NRXN1: variants seen among roughly 807,000 people sequenced by gnomAD.
The protein encoded by NRXN1 is neurexin 1.
NRXN1 carries 39 observed loss-of-function variants against 150.9 expected under a neutral mutation model. That is an observed-to-expected ratio of 0.26 (90% confidence interval 0.20 to 0.34). NRXN1 has a LOEUF of 0.34. NRXN1 is among the 10% of genes least tolerant of loss of function. The probability of loss-of-function intolerance (pLI) is 1.00; values close to 1 mark genes in which losing one functional copy is unlikely to be tolerated. For missense variants in NRXN1, 1,815 were observed against 1,949.9 expected, an observed-to-expected ratio of 0.93 and a Z score of 1.30; for synonymous variants, 924 against 757.0, an observed-to-expected ratio of 1.22 and a Z score of -3.62.
intron 15 of NRXN1, among the ~76,000 whole-genome samples, chr2:50,487,601 C>A (rs1362299269): frequency 6.6e-6 from 1 of 152,174 alleles, no homozygotes; most frequent in African/African-American, 2.4e-5. Context: ...GTTTTAAGCC[C>A]ACCCAACTTT....
At chr2:50,627,365 G>A (rs1247742643) in intron 5 of NRXN1, among the ~76,000 whole-genome samples, 1 of 99,888 alleles carries the variant, frequency 1.0e-5, no homozygotes, top group Non-Finnish European at 2.4e-5. Flanking sequence ...GTATGTGTGT[G>A]TGTGTGTGTG....
intron 17 of NRXN1, among the ~76,000 whole-genome samples, chr2:50,367,105 G>A (rs1191086504): frequency 6.6e-6 from 1 of 151,962 alleles, no homozygotes; most frequent in Non-Finnish European, 1.5e-5. Context: ...TTCTCCAGAT[G>A]CATTTTAGGA....
At chr2:50,230,012 T>C (rs1331318311) in intron 18 of NRXN1, among the ~76,000 whole-genome samples, 7 of 151,936 alleles carry the variant, frequency 4.6e-5, no homozygotes, top group African/African-American at 1.7e-4. Context: ...AAGCAGTGGG[T>C]CAAAAGGAGT....
At chr2:50,467,549 T>C (rs2089024768) in intron 16 of NRXN1, among the ~76,000 whole-genome samples, 1 of 151,508 alleles carries the variant, frequency 6.6e-6, no homozygotes, top group African/African-American at 2.4e-5. Flanking sequence ...ACATTTGTAT[T>C]ATAAATTTTT....
intron 18 of NRXN1, among the ~76,000 whole-genome samples, chr2:50,119,918 A>C (rs1488998784): frequency 6.6e-6 from 1 of 152,136 alleles, no homozygotes; most frequent in African/African-American, 2.4e-5. Context: ...AGTCTCTCTC[A>C]TGGGTTTGTT....
intron 21 of NRXN1, among the ~76,000 whole-genome samples, chr2:50,047,409 T>C: frequency 6.6e-6 from 1 of 152,042 alleles, no homozygotes; most frequent in East Asian, 1.9e-4. Context: ...AAATATTTAT[T>C]AGAAGCCAGA....
chr2:50,723,499 C>T (rs970321252), intron 5 of NRXN1, among the ~76,000 whole-genome samples: 1 of 152,122 alleles, frequency 6.6e-6, no homozygotes, highest in Admixed American at 6.5e-5. Context: ...TGTGGAAAGT[C>T]GGGATTATTA....
At chr2:50,289,206 G>C (rs1307062435) in intron 17 of NRXN1, among the ~76,000 whole-genome samples, 1 of 152,094 alleles carries the variant, frequency 6.6e-6, no homozygotes, top group East Asian at 1.9e-4. Flanking sequence ...TAAATCTGTA[G>C]AGCCCCAAGG....
chr2:50,406,738 C>G (rs1407926953), intron 17 of NRXN1, among the ~76,000 whole-genome samples: 1 of 152,118 alleles, frequency 6.6e-6, no homozygotes, highest in African/African-American at 2.4e-5. Context: ...TGCACAGTAT[C>G]TTTCCTTTGG....
chr2:50,175,801 C>T (rs1307255869), intron 18 of NRXN1, among the ~76,000 whole-genome samples: 1 of 152,108 alleles, frequency 6.6e-6, no homozygotes, highest in Non-Finnish European at 1.5e-5. Flanking sequence ...CACAAATCTT[C>T]CCATTGACAA....
chr2:50,722,036 T>C (rs1409885504), intron 5 of NRXN1, among the ~76,000 whole-genome samples: 2 of 152,184 alleles, frequency 1.3e-5, no homozygotes, highest in East Asian at 1.9e-4. Context: ...AGGAGGTCTC[T>C]AGGCTCCCAC....
intron 2 of NRXN1, among the ~76,000 whole-genome samples, chr2:50,971,775 G>A (rs979809351): frequency 2.4e-4 from 37 of 151,978 alleles, no homozygotes; most frequent in Middle Eastern, 3.2e-3. Context: ...CACAGTCAGT[G>A]TTTAAAAATT....
At chr2:50,012,325 T>G (rs1685831177) in intron 21 of NRXN1, among the ~76,000 whole-genome samples, 1 of 152,160 alleles carries the variant, frequency 6.6e-6, no homozygotes, top group Admixed American at 6.6e-5. Context: ...TATGTCTTTT[T>G]AAATCTGATA....
intron 2 of NRXN1, among the ~76,000 whole-genome samples, chr2:51,000,170 G>A (rs1004933373): frequency 5.3e-5 from 8 of 151,862 alleles, no homozygotes; most frequent in East Asian, 1.9e-4. Context: ...GAGTATTCTC[G>A]CTCAGAGCTG....
intron 18 of NRXN1, among the ~76,000 whole-genome samples, chr2:50,121,816 C>A (rs900830405): frequency 6.6e-6 from 1 of 152,106 alleles, no homozygotes; most frequent in East Asian, 1.9e-4. Flanking sequence ...GTACTTACAG[C>A]AAATCTAAAG....
At chr2:50,357,302 A>ATTTT (rs10597647) in intron 17 of NRXN1, among the ~76,000 whole-genome samples, 2 of 142,838 alleles carry the variant, frequency 1.4e-5, no homozygotes, top group Admixed American at 6.8e-5. Context: ...TTATTTATTT[A>ATTTT]TTTTTTTTTT....
intron 21 of NRXN1, among the ~76,000 whole-genome samples, chr2:50,000,801 A>T (rs1487209380): frequency 6.6e-6 from 1 of 152,112 alleles, no homozygotes; most frequent in African/African-American, 2.4e-5. Context: ...TCAGCTGAGA[A>T]ATCTGAGCAT....
At chr2:51,008,981 T>C (rs555953313) in intron 2 of NRXN1, among the ~76,000 whole-genome samples, 2 of 151,924 alleles carry the variant, frequency 1.3e-5, no homozygotes, top group South Asian at 2.1e-4. Flanking sequence ...GAAAACAAAG[T>C]ATAACTAATT....
chr2:50,210,821 A>G (rs1203580930), intron 18 of NRXN1, among the ~76,000 whole-genome samples: 1 of 151,490 alleles, frequency 6.6e-6, no homozygotes, highest in Non-Finnish European at 1.5e-5. Flanking sequence ...ATATATTATT[A>G]TATGTTTATA....
Sources: allele counts gnomAD v4.1 joint callset (sites outside exome capture counted in the v4.1 genomes callset), GRCh38; gene constraint gnomAD v4.1.1; transcripts MANE v1.5; gene names NCBI Gene and HGNC (gene_info 2026-07-23, HGNC 2026-07-21).